TTC28: variants seen among roughly 807,000 people sequenced by gnomAD.
TTC28 encodes tetratricopeptide repeat protein 28.
In TTC28, 61 loss-of-function variants were observed where a neutral mutation model predicts 198.0. The ratio of observed to expected loss-of-function variants is 0.31; its 90% CI spans 0.25 to 0.38. The LOEUF is 0.38. TTC28 is among the 10% of genes least tolerant of loss of function. The probability of loss-of-function intolerance (pLI) is 1.00; values close to 1 mark genes in which losing one functional copy is unlikely to be tolerated. For missense variants in TTC28, 2,678 were observed against 3,164.0 expected (o/e 0.85, Z 3.69); for synonymous variants, 1,171 against 1,297.8 (o/e 0.90, Z 2.10).
At position 28,466,908 on chromosome 22, in the gene TTC28, T is replaced by A. The variant is rs931287641; in HGVS notation, c.382-160265A>T. Among the ~76,000 whole-genome samples, 6 of 151,704 alleles carry A rather than the reference T, an allele frequency of 4.0e-5. 1 individual carries two copies. Among genetic ancestry groups the A allele is most frequent in the Non-Finnish European group, 8.8e-5 (6 of 67,978 alleles). On this transcript the variant is annotated intron_variant, in intron 2 of 22. Coordinates refer to ENST00000397906, the MANE Select transcript of TTC28 (RefSeq NM_001145418.2). ...TGCTAAGTAATACATTAGGAGGATA[T>A]GAGGAGGCAACTGTCACTTTAATTT... is the stretch of plus-strand genomic sequence containing the variant.
In TTC28 at chr22:28,101,201, A is replaced by G. The variant is rs181783281; in HGVS notation, c.3387T>C (p.Ala1129=). Residue 1129 remains alanine, a synonymous_variant, in exon 9 of 23, where the codon GCT becomes GCC. Transcript: ENST00000397906. ...IRHGLGLSLW[A]SGNLEEAQHQ... ...GTTGGGCCTCCTCCAAGTTTCCACT[A>G]GCCCAAAGGGAGAGGCCAAGGCCAT... The G allele has an allele frequency of 1.3e-6, 2 of 1,551,574 alleles. No individual in the cohort carries two copies. The highest frequency in any genetic ancestry group is 4.9e-5 in the East Asian group (2 of 40,918).
intron 2 of TTC28, among the ~76,000 whole-genome samples, chr22:28,553,439 C>T (rs1297299005): frequency 6.6e-6 from 1 of 151,568 alleles, no homozygotes; most frequent in Non-Finnish European, 1.5e-5. Flanking sequence ...TGCCCCGCCG[C>T]CCTGTCTGGG....
At chr22:28,013,859 C>T (rs1297186257) in intron 14 of TTC28, among the ~76,000 whole-genome samples, 1 of 152,206 alleles carries the variant, frequency 6.6e-6, no homozygotes, top group Non-Finnish European at 1.5e-5. Context: ...ACGGCCCCTA[C>T]TGACAACTGC....
intron 5 of TTC28, among the ~76,000 whole-genome samples, chr22:28,178,312 A>AC (rs998049694): frequency 5.3e-5 from 8 of 151,174 alleles, no homozygotes; most frequent in African/African-American, 1.9e-4. Flanking sequence ...AAAAAAAAAA[A>AC]AAAAATTAGC....
At chr22:28,173,125 T>C (rs1922840379) in intron 5 of TTC28, among the ~76,000 whole-genome samples, 4 of 152,206 alleles carry the variant, frequency 2.6e-5, no homozygotes, top group African/African-American at 9.6e-5. Context: ...CAAACACCTA[T>C]ATTGCTGTCA....
chr22:28,263,144 C>T (rs1931438071), intron 5 of TTC28, among the ~76,000 whole-genome samples: 2 of 152,066 alleles, frequency 1.3e-5, no homozygotes, highest in African/African-American at 4.8e-5. Flanking sequence ...GAATAAGAGA[C>T]AAATGACAGT....
chr22:28,521,867 C>A (rs750405162), intron 2 of TTC28, among the ~76,000 whole-genome samples: 1 of 152,102 alleles, frequency 6.6e-6, no homozygotes, highest in Non-Finnish European at 1.5e-5. Context: ...AATTCAGAAC[C>A]CATTAGGGCT....
At chr22:28,602,187 A>G (rs968313827) in intron 2 of TTC28, among the ~76,000 whole-genome samples, 2 of 152,154 alleles carry the variant, frequency 1.3e-5, no homozygotes, top group Non-Finnish European at 2.9e-5. Context: ...GAAAATAACA[A>G]TCAGGAACCC....
chr22:28,049,423 C>G (rs1443648430), intron 12 of TTC28, among the ~76,000 whole-genome samples: 1 of 152,104 alleles, frequency 6.6e-6, no homozygotes, highest in African/African-American at 2.4e-5. Context: ...AAACTTTCTT[C>G]CTGTGAGGCG....
At chr22:28,643,785 A>G (rs901741364) in intron 1 of TTC28, among the ~76,000 whole-genome samples, 1 of 152,224 alleles carries the variant, frequency 6.6e-6, no homozygotes, top group Non-Finnish European at 1.5e-5. Context: ...CATAGACTAT[A>G]CACTGCATCC....
chr22:28,072,172 A>G (rs1941011258), intron 12 of TTC28, among the ~76,000 whole-genome samples: 1 of 152,220 alleles, frequency 6.6e-6, no homozygotes, highest in African/African-American at 2.4e-5. Context: ...GCATGTTATC[A>G]CTGAGTCATG....
intron 5 of TTC28, among the ~76,000 whole-genome samples, chr22:28,233,861 C>G (rs867789614): frequency 6.6e-6 from 1 of 151,790 alleles, no homozygotes; most frequent in African/African-American, 2.4e-5. Flanking sequence ...TCTCCAGCCT[C>G]CTGAGTAGCT....
At chr22:28,052,700 A>G (rs1282047163) in intron 12 of TTC28, among the ~76,000 whole-genome samples, 1 of 152,238 alleles carries the variant, frequency 6.6e-6, no homozygotes, top group African/African-American at 2.4e-5. Flanking sequence ...TAATGTCTCG[A>G]GTGTTTTATT....
chr22:28,637,154 A>G (rs1478739950), intron 1 of TTC28, among the ~76,000 whole-genome samples: 1 of 151,278 alleles, frequency 6.6e-6, no homozygotes, highest in Non-Finnish European at 1.5e-5. Context: ...GACCACAGGC[A>G]CCCGCCACCA....
intron 5 of TTC28, among the ~76,000 whole-genome samples, chr22:28,266,126 G>A (rs1931667786): frequency 6.6e-6 from 1 of 150,576 alleles, no homozygotes. Context: ...GTTGCAGTGA[G>A]CCAAGATCAC....
chr22:28,609,644 T>A (rs2050786979), intron 2 of TTC28, among the ~76,000 whole-genome samples: 1 of 151,824 alleles, frequency 6.6e-6, no homozygotes, highest in South Asian at 2.1e-4. Flanking sequence ...CAAAACTGGG[T>A]GGCCATTTGG....
chr22:28,505,529 G>A (rs577089507), intron 2 of TTC28, among the ~76,000 whole-genome samples: 32 of 152,284 alleles, frequency 2.1e-4, no homozygotes, highest in Non-Finnish European at 3.8e-4. Flanking sequence ...AAGGGAAGTA[G>A]TGAGGGAACC....
intron 12 of TTC28, among the ~76,000 whole-genome samples, chr22:28,038,541 T>C (rs1258160782): frequency 1.3e-5 from 2 of 152,188 alleles, no homozygotes; most frequent in African/African-American, 4.8e-5. Context: ...AAGACTTAAA[T>C]GTTAGACCGA....
chr22:28,463,988 C>A (rs1053588308), intron 2 of TTC28, among the ~76,000 whole-genome samples: 4 of 151,930 alleles, frequency 2.6e-5, no homozygotes, highest in African/African-American at 9.7e-5. Flanking sequence ...AAAGGGTCCT[C>A]CAAAAAATTA....
Sources: gnomAD v4.1 joint callset for allele counts (sites outside exome capture counted in the v4.1 genomes callset) on GRCh38, gnomAD v4.1.1 for gene constraint, MANE v1.5 for transcripts, NCBI Gene and HGNC (gene_info 2026-07-23, HGNC 2026-07-21) for gene names.